Variants in ADGRL3 observed in about 807,000 individuals in gnomAD.
The protein encoded by ADGRL3 is adhesion G protein-coupled receptor L3.
Under a neutral mutation model 153.5 loss-of-function variants are expected in ADGRL3, and 62 were observed. The ratio of observed to expected loss-of-function variants is 0.40; its 90% CI spans 0.33 to 0.50. The LOEUF is 0.50. Ranked by LOEUF, ADGRL3 falls within the 20% of genes least tolerant of loss-of-function variation. ADGRL3 has a pLI of 0.47. For missense variants in ADGRL3, 1,641 were observed against 1,859.4 expected, an observed-to-expected ratio of 0.88 and a Z score of 2.16; for synonymous variants, 710 against 672.5, an observed-to-expected ratio of 1.06 and a Z score of -0.86.
At chr4:61,569,101 T>G (rs907886755) in intron 4 of ADGRL3, among the ~76,000 whole-genome samples, 1 of 152,104 alleles carries the variant, frequency 6.6e-6, no homozygotes, top group African/African-American at 2.4e-5. Flanking sequence ...CGGAGATTTG[T>G]ATTGGTTTAA....
intron 1 of ADGRL3, among the ~76,000 whole-genome samples, chr4:61,330,248 G>A (rs192335937): frequency 7.9e-5 from 12 of 152,288 alleles, no homozygotes; most frequent in Non-Finnish European, 5.9e-5. Flanking sequence ...ATTTCTAGGT[G>A]TGTTTGGGAG....
chr4:61,998,597 T>C (rs1042492172), intron 21 of ADGRL3, among the ~76,000 whole-genome samples: 4 of 151,490 alleles, frequency 2.6e-5, no homozygotes, highest in African/African-American at 9.7e-5. Flanking sequence ...AATTTTGAGA[T>C]GGAGTTTCGT....
chr4:61,217,746 G>C (rs994559491), intron 1 of ADGRL3, among the ~76,000 whole-genome samples: 5 of 152,132 alleles, frequency 3.3e-5, no homozygotes, highest in Admixed American at 6.6e-5. Context: ...GTGACGAGGA[G>C]AGTTTTACTC....
chr4:62,023,664 A>G (rs1716578537), intron 21 of ADGRL3, among the ~76,000 whole-genome samples: 1 of 152,206 alleles, frequency 6.6e-6, no homozygotes, highest in Non-Finnish European at 1.5e-5. Flanking sequence ...AAGTCTCTCC[A>G]TCACAAAAAT....
At chr4:61,567,025 A>G (rs897496847) in intron 4 of ADGRL3, among the ~76,000 whole-genome samples, 1 of 152,194 alleles carries the variant, frequency 6.6e-6, no homozygotes, top group African/African-American at 2.4e-5. Context: ...TTTCTAAAGC[A>G]GGGAAAGGAT....
chr4:61,689,597 G>T (rs2095503812), intron 6 of ADGRL3, among the ~76,000 whole-genome samples: 1 of 152,160 alleles, frequency 6.6e-6, no homozygotes. Context: ...GAGATGGAAG[G>T]AGTTATTAAG....
chr4:61,567,105 C>T (rs2098819467), intron 4 of ADGRL3, among the ~76,000 whole-genome samples: 1 of 152,124 alleles, frequency 6.6e-6, no homozygotes, highest in Non-Finnish European at 1.5e-5. Context: ...AAAAATTCAA[C>T]AATTTTACAA....
intron 5 of ADGRL3, among the ~76,000 whole-genome samples, chr4:61,615,791 G>GTATA (rs973873979): frequency 6.6e-6 from 1 of 151,780 alleles, no homozygotes; most frequent in Non-Finnish European, 1.5e-5. Context: ...GTATTTATAT[G>GTATA]TATATATATA....
rs10605564 is a variant in ADGRL3, at chr4:61,571,316, T to TAATAA, written c.260-15867_260-15863dup. On this transcript the variant is annotated intron_variant, in intron 4 of 26. Coordinates refer to ENST00000683033, the MANE Select transcript of ADGRL3 (RefSeq NM_001387552.1). ...ATGACAAGACCCTGTCTCAACAAAA[T>TAATAA]AATAAAATAAAATAAAATAAAATAA... 6.1e-3 allele frequency among the ~76,000 whole-genome samples: 854 copies of TAATAA among 140,296 alleles called. 8 individuals carry two copies. The highest frequency in any genetic ancestry group is 0.022 in the African/African-American group (812 of 37,726). The allele number at this position is 140,296 out of a possible 152,430, so 92.0% of individuals were successfully genotyped here.
chr4:61,556,468 G>A (rs1461109646), intron 4 of ADGRL3, among the ~76,000 whole-genome samples: 1 of 152,078 alleles, frequency 6.6e-6, no homozygotes, highest in Admixed American at 6.6e-5. Context: ...TGTTAGGGCA[G>A]AGTAAGGACT....
intron 1 of ADGRL3, among the ~76,000 whole-genome samples, chr4:61,352,941 A>G (rs1009580283): frequency 6.6e-6 from 1 of 152,182 alleles, no homozygotes; most frequent in Non-Finnish European, 1.5e-5. Flanking sequence ...AAATATTCCA[A>G]GTGTGCTAGT....
intron 2 of ADGRL3, among the ~76,000 whole-genome samples, chr4:61,397,506 TAG>T (rs1645950617): frequency 6.6e-6 from 1 of 151,916 alleles, no homozygotes. Flanking sequence ...CTTTATTGCC[TAG>T]AGAGTTATGA....
At chr4:61,680,380 AC>A (rs1295276495) in intron 6 of ADGRL3, among the ~76,000 whole-genome samples, 1 of 147,620 alleles carries the variant, frequency 6.8e-6, no homozygotes, top group Non-Finnish European at 1.5e-5. Flanking sequence ...TGTAGAAGAA[AC>A]TTTTTTTTAA....
At chr4:61,724,767 AT>A (rs751866522) in intron 6 of ADGRL3, among the ~76,000 whole-genome samples, 63 of 151,640 alleles carry the variant, frequency 4.2e-4, no homozygotes, top group East Asian at 7.7e-4. Flanking sequence ...TGAACTTCAC[AT>A]TTTTTTTTAT....
At chr4:62,022,013 A>G (rs1330585039) in intron 21 of ADGRL3, among the ~76,000 whole-genome samples, 1 of 152,250 alleles carries the variant, frequency 6.6e-6, no homozygotes, top group Non-Finnish European at 1.5e-5. Context: ...CATTAAGCTT[A>G]GTGAGGAAGG....
chr4:61,695,921 T>C (rs2095634783), intron 6 of ADGRL3, among the ~76,000 whole-genome samples: 1 of 152,200 alleles, frequency 6.6e-6, no homozygotes, highest in Non-Finnish European at 1.5e-5. Context: ...CAGAAACCAA[T>C]GTCTGCTAGC....
At chr4:61,825,830 G>A (rs1172428566) in intron 9 of ADGRL3, among the ~76,000 whole-genome samples, 1 of 152,074 alleles carries the variant, frequency 6.6e-6, no homozygotes, top group Non-Finnish European at 1.5e-5. Context: ...ATCAGAAAAT[G>A]TGAATTTAAA....
At chr4:61,372,395 C>G (rs1253175334) in intron 1 of ADGRL3, among the ~76,000 whole-genome samples, 1 of 151,808 alleles carries the variant, frequency 6.6e-6, no homozygotes, top group African/African-American at 2.4e-5. Flanking sequence ...TGGTGATGTA[C>G]AGATGGGTTT....
rs547503646 is a variant in ADGRL3, at chr4:61,802,243, CA to C, written c.1400-11565del. ...TCCCAGACACATATGCACTTTTGCA[CA>C]CACAATATCAGTGAAGTTGCTTTTG... On this transcript the variant is annotated intron_variant, in intron 8 of 26. Coordinates refer to ENST00000683033, the MANE Select transcript of ADGRL3 (RefSeq NM_001387552.1). 6.6e-3 allele frequency among the ~76,000 whole-genome samples: 1,002 copies of C among 152,116 alleles called. 13 individuals are homozygous for C. Among genetic ancestry groups the C allele is most frequent in the African/African-American group, 0.023 (953 of 41,440 alleles).
Sources: gnomAD v4.1 joint callset for allele counts (sites outside exome capture counted in the v4.1 genomes callset) on GRCh38, gnomAD v4.1.1 for gene constraint, MANE v1.5 for transcripts, NCBI Gene and HGNC (gene_info 2026-07-23, HGNC 2026-07-21) for gene names.